The following NGLY1 variants were observed in gnomAD, a reference collection of about 807,000 sequenced individuals.
NGLY1 encodes peptide-N(4)-(N-acetyl-beta-glucosaminyl)asparagine amidase.
In NGLY1, 68 loss-of-function variants were observed where a neutral mutation model predicts 84.6. The ratio of observed to expected loss-of-function variants is 0.80; its 90% CI spans 0.66 to 0.98. NGLY1 has a LOEUF of 0.98. NGLY1 is among the 50% of genes least tolerant of loss of function. NGLY1 has a pLI of 0.00. For synonymous variants in NGLY1, 280 were observed against 275.2 expected, an observed-to-expected ratio of 1.02 and a Z score of -0.17; for missense variants, 779 against 770.2, an observed-to-expected ratio of 1.01 and a Z score of -0.14.
At chr3:25,726,980 T>C (rs183026023) in intron 10 of NGLY1, among the ~76,000 whole-genome samples, 58 of 152,290 alleles carry the variant, frequency 3.8e-4, no homozygotes, top group African/African-American at 1.3e-3. Flanking sequence ...GTTCTAAAAC[T>C]CTGAAAGCAG....
At chr3:25,764,002 C>T in intron 3 of NGLY1, 64 bp downstream of exon 3, 1 of 1,576,298 alleles carries the variant, frequency 6.3e-7, no homozygotes, top group Non-Finnish European at 8.6e-7. Context: ...TAACACATTC[C>T]AAAGCTTTTG....
At chr3:25,730,094 G>C (rs567287078) in intron 9 of NGLY1, 2 of 152,004 alleles carry the variant, frequency 1.3e-5, no homozygotes, top group African/African-American at 4.8e-5. Context: ...TTCTGCATGT[G>C]TAAAATTATT....
intron 7 of NGLY1, 163 bp downstream of exon 7, chr3:25,735,841 T>C (rs1265619491): frequency 1.6e-6 from 1 of 606,290 alleles, no homozygotes. Flanking sequence ...CAATGAATAC[T>C]GATTTGCAGT....
At chr3:25,762,676 G>A (rs1042041039) in intron 3 of NGLY1, among the ~76,000 whole-genome samples, 1 of 152,138 alleles carries the variant, frequency 6.6e-6, no homozygotes, top group African/African-American at 2.4e-5. Context: ...AAAAGGGCTG[G>A]GTGTGGTGGT....
chr3:25,780,916 T>C (rs1044003834), intron 1 of NGLY1, among the ~76,000 whole-genome samples: 1 of 152,210 alleles, frequency 6.6e-6, no homozygotes, highest in African/African-American at 2.4e-5. Context: ...TTGATATATG[T>C]TGTTACCATT....
At chr3:25,750,892 C>A (rs80091935) in intron 4 of NGLY1, among the ~76,000 whole-genome samples, 88 of 152,262 alleles carry the variant, frequency 5.8e-4, no homozygotes, top group Non-Finnish European at 9.0e-4. Flanking sequence ...ACAGTCAGCC[C>A]TGCAGAACCC....
intron 4 of NGLY1, among the ~76,000 whole-genome samples, chr3:25,748,938 C>A (rs1437183320): frequency 6.6e-6 from 1 of 151,968 alleles, no homozygotes; most frequent in African/African-American, 2.4e-5. Context: ...GTTCAAAAGA[C>A]TTGAATAAAC....
In NGLY1 at chr3:25,783,394, T is replaced by C. The variant is rs1007037983; in HGVS notation, c.-4A>G. ...TGCCCAATGCCGCCGCCGCCATGCT[T>C]GAGCGCCAGCGGGCGCCGCCGCCGC... On this transcript the variant is annotated 5_prime_UTR_variant, in exon 1 of 12. Transcript: ENST00000280700. This position sits in a 1 kb window ranked among gnomAD's most constrained non-coding sequence, Gnocchi z 4.5. The C allele has an allele frequency of 1.3e-6, 2 of 1,530,630 alleles. No individual in the cohort carries two copies. The highest frequency in any genetic ancestry group is 1.8e-6 in the Non-Finnish European group (2 of 1,139,808). The allele number at this position is 1,530,630 out of a possible 1,614,324, so 94.8% of individuals were successfully genotyped here. A position where few individuals can be genotyped will look rare whatever the true frequency, so the allele number is the denominator to read the frequency against.
intron 10 of NGLY1, among the ~76,000 whole-genome samples, chr3:25,725,323 G>A (rs1170837986): frequency 6.6e-6 from 1 of 152,190 alleles, no homozygotes; most frequent in Non-Finnish European, 1.5e-5. Context: ...ACCCGGGGAG[G>A]GCAGAGGGGC....
intron 4 of NGLY1, among the ~76,000 whole-genome samples, chr3:25,747,298 T>G (rs1706485164): frequency 6.6e-6 from 1 of 152,166 alleles, no homozygotes; most frequent in African/African-American, 2.4e-5. Flanking sequence ...CACAGTACTT[T>G]GAAGCTGGAC....
chr3:25,765,714 C>A (rs1201921338), intron 2 of NGLY1, among the ~76,000 whole-genome samples: 2 of 152,072 alleles, frequency 1.3e-5, no homozygotes, highest in Non-Finnish European at 2.9e-5. Context: ...AATGTATTGT[C>A]TTTGTGTGTT....
At chr3:25,736,365 A>T (rs1367164756) in intron 6 of NGLY1, 1 of 1,551,408 alleles carries the variant, frequency 6.4e-7, no homozygotes, top group East Asian at 2.4e-5. Context: ...ATCTCCTTTA[A>T]CGTGGTCAGT....
chr3:25,743,978 A>C (rs1265537022), intron 4 of NGLY1, among the ~76,000 whole-genome samples: 1 of 152,198 alleles, frequency 6.6e-6, no homozygotes, highest in African/African-American at 2.4e-5. Flanking sequence ...CCTGATTTAG[A>C]TGCTAAATTC....
At chr3:25,736,497 T>C in intron 6 of NGLY1, 1 of 913,248 alleles carries the variant, frequency 1.1e-6, no homozygotes, top group Non-Finnish European at 1.7e-6. Context: ...CTACAGTCTC[T>C]CTCTCTGGAC....
At chr3:25,780,324 T>C (rs1311495882) in intron 1 of NGLY1, among the ~76,000 whole-genome samples, 1 of 152,216 alleles carries the variant, frequency 6.6e-6, no homozygotes, top group Non-Finnish European at 1.5e-5. Flanking sequence ...CCTCTCTTTC[T>C]TATCACTTAA....
At chr3:25,725,276 G>A (rs902639081) in intron 10 of NGLY1, among the ~76,000 whole-genome samples, 1 of 152,204 alleles carries the variant, frequency 6.6e-6, no homozygotes, top group South Asian at 2.1e-4. Context: ...AGAACTTCTG[G>A]AGAGCTGATC....
intron 11 of NGLY1, 52 bp from the exon 12 acceptor site, chr3:25,719,687 C>A: frequency 7.0e-7 from 1 of 1,435,694 alleles, no homozygotes; most frequent in South Asian, 1.3e-5. Context: ...ATTTAAAGAG[C>A]ACAGATCATT....
At chr3:25,773,364 A>G (rs1394988652) in intron 2 of NGLY1, among the ~76,000 whole-genome samples, 2 of 152,164 alleles carry the variant, frequency 1.3e-5, no homozygotes, top group East Asian at 3.9e-4. Context: ...GGTTAATACG[A>G]AAGCCTCATC....
At chr3:25,774,732 C>T (rs928817743) in intron 2 of NGLY1, among the ~76,000 whole-genome samples, 7 of 152,112 alleles carry the variant, frequency 4.6e-5, no homozygotes, top group Non-Finnish European at 1.0e-4. Context: ...AGAAAGCAAT[C>T]AGGGTTTTCA....
Sources: allele counts gnomAD v4.1 joint callset (sites outside exome capture counted in the v4.1 genomes callset), GRCh38; gene constraint gnomAD v4.1.1; non-coding constraint Gnocchi (gnomAD v3.1); transcripts MANE v1.5; gene names NCBI Gene and HGNC (gene_info 2026-07-23, HGNC 2026-07-21).